LRRC4C: variants seen among roughly 807,000 people sequenced by gnomAD.
The protein encoded by LRRC4C is leucine-rich repeat-containing protein 4C.
A neutral mutation model predicts 33.6 loss-of-function variants in LRRC4C; 5 were observed. That is an observed-to-expected ratio of 0.15 (90% CI 0.08 to 0.31). LRRC4C has a LOEUF of 0.31. LRRC4C is among the 10% of genes least tolerant of loss of function. The pLI, the probability that LRRC4C is intolerant of heterozygous loss-of-function variation, is 1.00. For synonymous variants in LRRC4C, 329 were observed against 302.0 expected (o/e 1.09, Z -0.93); for missense variants, 560 against 796.7 (o/e 0.70, Z 3.58).
intron 3 of LRRC4C, among the ~76,000 whole-genome samples, chr11:40,634,664 G>A (rs905093748): frequency 6.6e-6 from 1 of 151,878 alleles, no homozygotes; most frequent in African/African-American, 2.4e-5. Flanking sequence ...GAGCCCGGGA[G>A]TTAGAGATCA....
chr11:40,731,849 G>A (rs1947600536), intron 2 of LRRC4C, among the ~76,000 whole-genome samples: 1 of 151,950 alleles, frequency 6.6e-6, no homozygotes, highest in African/African-American at 2.4e-5. Context: ...TTAAATGAAA[G>A]GTGCTTTGTT....
intron 1 of LRRC4C, among the ~76,000 whole-genome samples, chr11:40,953,727 C>T (rs992407595): frequency 6.6e-6 from 1 of 151,752 alleles, no homozygotes; most frequent in African/African-American, 2.4e-5. Flanking sequence ...TGAAGGGTAG[C>T]GAAGGTTCAG....
chr11:40,188,761 C>A (rs767927835), intron 5 of LRRC4C, among the ~76,000 whole-genome samples: 10 of 152,026 alleles, frequency 6.6e-5, no homozygotes, highest in Non-Finnish European at 1.5e-4. Context: ...ATGCCAAATA[C>A]AAATTATGGT....
rs145591146 is a variant in LRRC4C, at chr11:40,307,757, C to T, written c.-176+11871G>A. On this transcript the variant is annotated intron_variant, in intron 4 of 6. Transcript: ENST00000528697. ...TGTTAAATTTTATTTAGGACACAAA[C>T]GAAACAAATGACTTATTATAAAGAA... Among the ~76,000 whole-genome samples the T allele has an allele frequency of 2.2e-3, 331 of 151,858 alleles. 1 individual carries two copies. The highest frequency in any genetic ancestry group is 7.6e-3 in the African/African-American group (313 of 41,366).
chr11:41,381,580 T>G (rs1020804640), intron 1 of LRRC4C, among the ~76,000 whole-genome samples: 1 of 151,324 alleles, frequency 6.6e-6, no homozygotes, highest in African/African-American at 2.4e-5. Flanking sequence ...TGAGCCAAGA[T>G]TGCGCCACTG....
At position 40,840,814 on chromosome 11, in the gene LRRC4C, G is replaced by A. The variant is rs551629365; in HGVS notation, c.-407+92821C>T. Reference sequence around the variant, plus strand: ...AAACAAAAGAAAAAAGATAAATTATGTTTTGTTAAGATTTGTTAATATTAG... The same window carrying A: ...AAACAAAAGAAAAAAGATAAATTATATTTTGTTAAGATTTGTTAATATTAG... On this transcript the variant is annotated intron_variant, in intron 2 of 6. Transcript: ENST00000528697. 1.1e-4 allele frequency among the ~76,000 whole-genome samples: 16 copies of A among 152,284 alleles called. No homozygotes were observed. In the South Asian group the frequency reaches 3.3e-3, roughly 32 times the overall value.
chr11:40,408,913 T>C (rs1345906926), intron 3 of LRRC4C, among the ~76,000 whole-genome samples: 1 of 151,890 alleles, frequency 6.6e-6, no homozygotes, highest in Non-Finnish European at 1.5e-5. Context: ...AACAATCTAA[T>C]ATTCATATGG....
intron 3 of LRRC4C, among the ~76,000 whole-genome samples, chr11:40,547,148 AG>A (rs1956956183): frequency 6.6e-6 from 1 of 152,088 alleles, no homozygotes; most frequent in African/African-American, 2.4e-5. Context: ...TCTTTTCCCC[AG>A]GGCCATATCA....
intron 2 of LRRC4C, among the ~76,000 whole-genome samples, chr11:40,901,997 T>TACA (rs1956222491): frequency 2.2e-5 from 3 of 136,162 alleles, no homozygotes; most frequent in African/African-American, 9.0e-5. Flanking sequence ...TCTCTCTCTC[T>TACA]CTACACACAC....
At chr11:40,748,912 A>T (rs1171134707) in intron 2 of LRRC4C, among the ~76,000 whole-genome samples, 2 of 152,120 alleles carry the variant, frequency 1.3e-5, no homozygotes, top group Non-Finnish European at 2.9e-5. Context: ...TTAAAAAGGG[A>T]TCACTGCAGC....
chr11:41,239,845 A>T (rs1016601215), intron 1 of LRRC4C, among the ~76,000 whole-genome samples: 2 of 152,184 alleles, frequency 1.3e-5, no homozygotes, highest in African/African-American at 4.8e-5. Context: ...TGAATGAATG[A>T]AAAAGTAATC....
chr11:40,751,597 T>C (rs1948694276), intron 2 of LRRC4C, among the ~76,000 whole-genome samples: 1 of 151,830 alleles, frequency 6.6e-6, no homozygotes, highest in African/African-American at 2.4e-5. Context: ...ATGTAAGAAA[T>C]TGTAGAGGTA....
chr11:40,423,948 C>T (rs1950620705), intron 3 of LRRC4C, among the ~76,000 whole-genome samples: 1 of 151,878 alleles, frequency 6.6e-6, no homozygotes. Context: ...TGGTATGCGC[C>T]ATATCCTTTA....
At position 40,303,483 on chromosome 11, in the gene LRRC4C, C is replaced by CA. The variant is rs533864552; in HGVS notation, c.-176+16144_-176+16145insT. Among the ~76,000 whole-genome samples the CA allele has an allele frequency of 4.8e-3, 737 of 152,180 alleles. 7 individuals are homozygous for CA. The highest frequency in any genetic ancestry group is 0.017 in the African/African-American group (700 of 41,532). On this transcript the variant is annotated intron_variant, in intron 4 of 6. Coordinates refer to ENST00000528697, the MANE Select transcript of LRRC4C (RefSeq NM_001258419.2). Reference sequence around the variant, plus strand: ...TCATAGGCTGCACGTTGTGGTTAGGCCTTTAAGGCAAGCTTATATTAGATT... The same window carrying CA: ...TCATAGGCTGCACGTTGTGGTTAGGCACTTTAAGGCAAGCTTATATTAGATT...
chr11:41,148,437 G>T (rs75760202), intron 1 of LRRC4C, among the ~76,000 whole-genome samples: 7,180 of 152,148 alleles, frequency 0.047, 264 homozygotes, highest in African/African-American at 0.1. Context: ...AAGATTATTT[G>T]TCATTGGATA....
At chr11:41,240,214 G>A (rs1948195167) in intron 1 of LRRC4C, among the ~76,000 whole-genome samples, 1 of 152,156 alleles carries the variant, frequency 6.6e-6, no homozygotes, top group Non-Finnish European at 1.5e-5. Flanking sequence ...AGGCTATTAG[G>A]CTAAATTAGC....
At chr11:41,277,120 G>C (rs757906621) in intron 1 of LRRC4C, among the ~76,000 whole-genome samples, 1 of 152,132 alleles carries the variant, frequency 6.6e-6, no homozygotes, top group Admixed American at 6.6e-5. Flanking sequence ...TTGACACATT[G>C]TAGGAAAGTT....
At chr11:40,898,548 TACAC>T (rs1472444642) in intron 2 of LRRC4C, among the ~76,000 whole-genome samples, 2 of 151,274 alleles carry the variant, frequency 1.3e-5, no homozygotes, top group African/African-American at 4.9e-5. Context: ...TTCACAAACA[TACAC>T]ACTCACAAAA....
rs117607148 is a variant in LRRC4C at position 41,334,597 on chromosome 11, C to T, written c.-496+124834G>A. On this transcript the variant is annotated intron_variant, in intron 1 of 6. Coordinates refer to ENST00000528697, the MANE Select transcript of LRRC4C (RefSeq NM_001258419.2). Reference sequence around the variant, plus strand: ...CTTGTCATTCAGGCACTTTGAGAGGCTGAAGTCAGGGATCACTTGAGGCCA... The same window carrying T: ...CTTGTCATTCAGGCACTTTGAGAGGTTGAAGTCAGGGATCACTTGAGGCCA... 7.5e-3 allele frequency among the ~76,000 whole-genome samples: 1,149 copies of T among 152,214 alleles called. 8 individuals are homozygous for T. The highest frequency in any genetic ancestry group is 0.012 in the Non-Finnish European group (841 of 68,008).
Sources: allele counts gnomAD v4.1 joint callset (sites outside exome capture counted in the v4.1 genomes callset), GRCh38; gene constraint gnomAD v4.1.1; transcripts MANE v1.5; gene names NCBI Gene and HGNC (gene_info 2026-07-23, HGNC 2026-07-21).